The following PCDH15 variants were observed in gnomAD, a reference collection of about 807,000 sequenced individuals.
The protein encoded by PCDH15 is protocadherin-15.
In PCDH15, 129 loss-of-function variants were observed where a neutral mutation model predicts 178.5. The ratio of observed to expected loss-of-function variants is 0.72; its 90% CI spans 0.63 to 0.84. The LOEUF is 0.84. Ranked by LOEUF, PCDH15 falls within the 40% of genes least tolerant of loss-of-function variation. The pLI is 0.00. For missense variants in PCDH15, 2,230 were observed against 2,099.9 expected (o/e 1.06, Z -1.21); for synonymous variants, 800 against 732.0 (o/e 1.09, Z -1.50).
chr10:55,569,500 A>T (rs1842365976), intron 2 of PCDH15, among the ~76,000 whole-genome samples: 1 of 152,000 alleles, frequency 6.6e-6, no homozygotes, highest in African/African-American at 2.4e-5. Context: ...AATTTTAAAA[A>T]CAATCAAAAC....
At chr10:54,916,190 C>T (rs544161095) in intron 2 of PCDH15, among the ~76,000 whole-genome samples, 4 of 152,150 alleles carry the variant, frequency 2.6e-5, no homozygotes, top group African/African-American at 7.2e-5. Flanking sequence ...AGGCTGGTCT[C>T]GAACTCCTGA....
intron 2 of PCDH15, among the ~76,000 whole-genome samples, chr10:55,431,871 C>G (rs1013651874): frequency 3.3e-5 from 5 of 152,058 alleles, no homozygotes; most frequent in African/African-American, 4.8e-5. Flanking sequence ...CATTTCCCTC[C>G]TCTTTATCTT....
intron 9 of PCDH15, among the ~76,000 whole-genome samples, chr10:54,234,740 T>C (rs1320078133): frequency 6.6e-6 from 1 of 152,220 alleles, no homozygotes; most frequent in Non-Finnish European, 1.5e-5. Flanking sequence ...ATATTATTCA[T>C]TTACCTTAGC....
intron 2 of PCDH15, among the ~76,000 whole-genome samples, chr10:55,364,217 C>T (rs988524680): frequency 2.0e-5 from 3 of 152,124 alleles, no homozygotes; most frequent in African/African-American, 7.2e-5. Context: ...GCCTCCCCAG[C>T]CATGCTGAAC....
intron 1 of PCDH15, among the ~76,000 whole-genome samples, chr10:55,169,921 T>C (rs937110471): frequency 2.6e-5 from 4 of 152,142 alleles, no homozygotes; most frequent in African/African-American, 9.7e-5. Context: ...TATTAACCAT[T>C]AGTAGACATA....
In PCDH15 at chr10:54,477,322, T is replaced by C. The variant is rs940841663; in HGVS notation, c.157+50490A>G. On this transcript the variant is annotated intron_variant, in intron 3 of 37. Coordinates refer to ENST00000644397, the MANE Select transcript of PCDH15 (RefSeq NM_001384140.1). Reference sequence around the variant, plus strand: ...TCCTACATATCCTTTAGTCCTCATATGATAAGCCATTGCTCAGGAAGCCCT... The same window carrying C: ...TCCTACATATCCTTTAGTCCTCATACGATAAGCCATTGCTCAGGAAGCCCT... 2.0e-5 allele frequency among the ~76,000 whole-genome samples: 3 copies of C among 152,326 alleles called. No homozygotes were observed. In the South Asian group the frequency reaches 6.2e-4, roughly 32 times the overall value.
At chr10:55,207,882 T>A (rs1480647606) in intron 1 of PCDH15, among the ~76,000 whole-genome samples, 1 of 152,072 alleles carries the variant, frequency 6.6e-6, no homozygotes, top group East Asian at 1.9e-4. Context: ...GTCAGGAGAA[T>A]CACTTGAACC....
chr10:54,141,306 T>C (rs1390072006), intron 14 of PCDH15, among the ~76,000 whole-genome samples: 1 of 152,018 alleles, frequency 6.6e-6, no homozygotes, highest in Non-Finnish European at 1.5e-5. Context: ...ATTTGATTGG[T>C]TTTTCTTACC....
intron 13 of PCDH15, among the ~76,000 whole-genome samples, chr10:54,166,598 A>C (rs936807897): frequency 6.6e-6 from 1 of 152,120 alleles, no homozygotes; most frequent in Non-Finnish European, 1.5e-5. Flanking sequence ...TTTTTCCCCT[A>C]AGATCTCCTG....
intron 21 of PCDH15, among the ~76,000 whole-genome samples, chr10:53,975,238 G>T (rs1330229305): frequency 6.6e-6 from 1 of 152,158 alleles, no homozygotes. Flanking sequence ...GTGCAGTGAT[G>T]AACATATAAG....
At chr10:54,913,796 C>A (rs1000873068) in intron 2 of PCDH15, among the ~76,000 whole-genome samples, 3 of 152,082 alleles carry the variant, frequency 2.0e-5, no homozygotes, top group Non-Finnish European at 1.5e-5. Flanking sequence ...GAGATAGAGT[C>A]AAAAAATATT....
At chr10:55,050,638 T>A (rs1427559431) in intron 2 of PCDH15, among the ~76,000 whole-genome samples, 1 of 152,060 alleles carries the variant, frequency 6.6e-6, no homozygotes. Flanking sequence ...AAAGCTGTAT[T>A]GGCATATCCT....
In PCDH15 at chr10:53,887,476, T is replaced by C. The variant is rs1298515098; in HGVS notation, c.3501+15767A>G. On this transcript the variant is annotated intron_variant, in intron 26 of 37. Transcript: ENST00000644397. ...CTTTTCCTTTTAATTTCAAGCTTGTTAAACATTTTTAGAAATGTAATATAC... is the reference window on the plus strand; with the variant it reads ...CTTTTCCTTTTAATTTCAAGCTTGTCAAACATTTTTAGAAATGTAATATAC... Among the ~76,000 whole-genome samples, 7 of 152,346 alleles carry C rather than the reference T, an allele frequency of 4.6e-5. No individual in the cohort carries two copies. In the South Asian group the frequency reaches 1.2e-3, roughly 27 times the overall value.
At chr10:54,450,066 C>T (rs1319214857) in intron 3 of PCDH15, among the ~76,000 whole-genome samples, 3 of 150,494 alleles carry the variant, frequency 2.0e-5, no homozygotes, top group East Asian at 2.0e-4. Context: ...GAGAACCTCT[C>T]GGGAAAACCA....
intron 9 of PCDH15, among the ~76,000 whole-genome samples, chr10:54,227,288 C>G (rs964942243): frequency 6.6e-6 from 1 of 152,208 alleles, no homozygotes; most frequent in African/African-American, 2.4e-5. Context: ...TGGAGCTTCC[C>G]AAACCTCAAT....
chr10:54,699,769 G>A (rs1465158358), intron 1 of PCDH15, among the ~76,000 whole-genome samples: 3 of 151,774 alleles, frequency 2.0e-5, no homozygotes, highest in Non-Finnish European at 1.5e-5. Context: ...TATTTAGAAT[G>A]TTACATTATT....
intron 8 of PCDH15, among the ~76,000 whole-genome samples, chr10:54,302,646 T>A (rs1387576954): frequency 1.3e-5 from 2 of 152,144 alleles, no homozygotes; most frequent in Non-Finnish European, 2.9e-5. Context: ...AAATTTTTAG[T>A]TTTATAAATG....
chr10:53,975,475 T>G (rs2090110625), intron 21 of PCDH15, among the ~76,000 whole-genome samples: 1 of 152,184 alleles, frequency 6.6e-6, no homozygotes, highest in African/African-American at 2.4e-5. Flanking sequence ...ATCAATACTC[T>G]GACTGGTGTG....
intron 8 of PCDH15, among the ~76,000 whole-genome samples, chr10:54,239,300 A>T (rs192439236): frequency 1.1e-4 from 16 of 152,078 alleles, no homozygotes; most frequent in African/African-American, 3.9e-4. Context: ...TAATTTATTT[A>T]CATTGAATTG....
Sources: gnomAD v4.1 joint callset for allele counts (sites outside exome capture counted in the v4.1 genomes callset) on GRCh38, gnomAD v4.1.1 for gene constraint, MANE v1.5 for transcripts, NCBI Gene and HGNC (gene_info 2026-07-23, HGNC 2026-07-21) for gene names.